The following SEMA5A variants were observed in gnomAD, a reference collection of about 807,000 sequenced individuals.
SEMA5A encodes semaphorin 5A, also known as semaphorin-5A.
A neutral mutation model predicts 135.5 loss-of-function variants in SEMA5A; 55 were observed. The ratio of observed to expected loss-of-function variants is 0.41; its 90% confidence interval spans 0.33 to 0.51. The LOEUF (loss-of-function observed/expected upper bound fraction) is 0.51, where lower values mean the gene tolerates loss of function less well. Among genes scored for constraint, SEMA5A ranks in the 20% least tolerant of loss-of-function variants. SEMA5A has a pLI of 0.37. For missense variants in SEMA5A, 1,290 were observed against 1,419.9 expected, an observed-to-expected ratio of 0.91 and a Z score of 1.47; for synonymous variants, 580 against 546.5, an observed-to-expected ratio of 1.06 and a Z score of -0.85.
chr5:9,379,845 C>T lies in SEMA5A; in HGVS notation c.102G>A (p.Glu34=), dbSNP rs1173595968. The T allele has an allele frequency of 2.5e-6, 4 of 1,613,804 alleles. No homozygotes were observed. The African/African-American group carries it at 5.3e-5, about 22-fold the overall frequency. ...TACCTTTATAGGAGATGACTGGATG[C>T]TCGGTTCTCTGGCACTGAGTCGTAC... ...AQGTTQCQRT[E]HPVISYKEIG... Residue 34 remains glutamate (E), a synonymous_variant, in exon 3 of 23, where the codon GAG becomes GAA. Coordinates refer to ENST00000382496, the MANE Select transcript of SEMA5A (RefSeq NM_003966.3).
chr5:9,064,156 T>A (rs1224202648), intron 17 of SEMA5A, among the ~76,000 whole-genome samples: 1 of 152,194 alleles, frequency 6.6e-6, no homozygotes, highest in Non-Finnish European at 1.5e-5. Context: ...TAGAATTGTC[T>A]GTCTGTGATA....
At chr5:9,303,347 A>G (rs1473524936) in intron 5 of SEMA5A, among the ~76,000 whole-genome samples, 1 of 151,982 alleles carries the variant, frequency 6.6e-6, no homozygotes, top group African/African-American at 2.4e-5. Context: ...CAATCTCCTA[A>G]CCTCGTGATC....
At chr5:9,225,755 T>C (rs115289885) in intron 7 of SEMA5A, among the ~76,000 whole-genome samples, 2,393 of 152,140 alleles carry the variant, frequency 0.016, 68 homozygotes, top group African/African-American at 0.055. Flanking sequence ...CTTGGAGTCA[T>C]TTCGTATGAA....
Position 9,066,638 on chromosome 5 carries a change from C to G in SEMA5A, c.2082G>C (p.Gln694His), listed in dbSNP as rs759125282. Reference sequence around the variant, plus strand: ...CAGGACACGGGTTGGTGTTGCAAGACTGGTACTCCTGGGGAGAATGCGCAG... The same window carrying G: ...CAGGACACGGGTTGGTGTTGCAAGAGTGGTACTCCTGGGGAGAATGCGCAG... Reference protein sequence around the residue: ...PDCAGCNVEYQSCNTNPCPEL... With the variant: ...PDCAGCNVEYHSCNTNPCPEL... Residue 694 changes from glutamine to histidine, a missense_variant, in exon 17 of 23, where the codon CAG becomes CAC. Around this residue, in one of 3 missense-constraint regions of SEMA5A, gnomAD observed 1,029 missense variants for 1,086.6 expected, o/e 0.95. Transcript: ENST00000382496. The G allele has an allele frequency of 6.2e-7, 1 of 1,613,980 alleles. No individual in the cohort carries two copies.
At chr5:9,340,693 CTG>C (rs1380378028) in intron 3 of SEMA5A, among the ~76,000 whole-genome samples, 3 of 152,142 alleles carry the variant, frequency 2.0e-5, no homozygotes, top group East Asian at 1.9e-4. Flanking sequence ...CCCAATAAAA[CTG>C]TGTATTTTTA....
intron 5 of SEMA5A, among the ~76,000 whole-genome samples, chr5:9,278,562 G>A (rs938026712): frequency 3.3e-5 from 5 of 152,212 alleles, no homozygotes; most frequent in Non-Finnish European, 7.3e-5. Flanking sequence ...TATCTCCAGA[G>A]CATTTCAGAG....
At chr5:9,412,694 T>C (rs1757147138) in intron 2 of SEMA5A, among the ~76,000 whole-genome samples, 1 of 151,276 alleles carries the variant, frequency 6.6e-6, no homozygotes, top group Non-Finnish European at 1.5e-5. Context: ...TATGTTTAAA[T>C]ACACCTTATA....
chr5:9,300,017 C>T (rs1751533379), intron 5 of SEMA5A, among the ~76,000 whole-genome samples: 2 of 151,978 alleles, frequency 1.3e-5, no homozygotes, highest in East Asian at 1.9e-4. Context: ...GAAATTCTGC[C>T]CTCTTGTTTC....
chr5:9,422,026 T>C (rs769504063), intron 2 of SEMA5A, among the ~76,000 whole-genome samples: 2 of 152,212 alleles, frequency 1.3e-5, no homozygotes, highest in African/African-American at 2.4e-5. Context: ...AGTCTATCCC[T>C]TAAGTTGCCA....
chr5:9,383,142 T>C (rs1428208432), intron 2 of SEMA5A, among the ~76,000 whole-genome samples: 1 of 152,188 alleles, frequency 6.6e-6, no homozygotes, highest in Non-Finnish European at 1.5e-5. Flanking sequence ...ACATTAAAAC[T>C]ATGAGTTTCA....
At chr5:9,527,585 T>C (rs1309480073) in intron 1 of SEMA5A, among the ~76,000 whole-genome samples, 2 of 152,188 alleles carry the variant, frequency 1.3e-5, no homozygotes, top group Non-Finnish European at 2.9e-5. Context: ...ACAAAGACAT[T>C]AAACCACACT....
chr5:9,189,679 G>C (rs1271564961), intron 11 of SEMA5A, among the ~76,000 whole-genome samples: 1 of 152,180 alleles, frequency 6.6e-6, no homozygotes. Flanking sequence ...AGCCGTCTGT[G>C]TAATGAACTG....
intron 16 of SEMA5A, among the ~76,000 whole-genome samples, chr5:9,071,311 T>C (rs1024788039): frequency 6.6e-6 from 1 of 152,172 alleles, no homozygotes; most frequent in South Asian, 2.1e-4. Context: ...TCCATCTTAA[T>C]TGCCTCTTCT....
intron 1 of SEMA5A, among the ~76,000 whole-genome samples, chr5:9,496,508 G>A (rs1735309033): frequency 2.6e-5 from 4 of 152,036 alleles, no homozygotes; most frequent in Admixed American, 2.6e-4. Flanking sequence ...GTCCACAGAG[G>A]CCACTGAACT....
chr5:9,240,212 T>A (rs1168353772), intron 5 of SEMA5A, among the ~76,000 whole-genome samples: 1 of 151,990 alleles, frequency 6.6e-6, no homozygotes, highest in Non-Finnish European at 1.5e-5. Context: ...AGAAAAAAAA[T>A]TAATTTCCTA....
chr5:9,191,264 A>G (rs1460576713), intron 10 of SEMA5A, among the ~76,000 whole-genome samples: 1 of 152,210 alleles, frequency 6.6e-6, no homozygotes, highest in African/African-American at 2.4e-5. Context: ...GGGGAAATTC[A>G]GCCCTGTACA....
intron 1 of SEMA5A, among the ~76,000 whole-genome samples, chr5:9,489,024 C>A (rs1052653030): frequency 6.6e-6 from 1 of 152,164 alleles, no homozygotes; most frequent in Non-Finnish European, 1.5e-5. Flanking sequence ...AATCACTTAA[C>A]ATTTTCATGA....
intron 8 of SEMA5A, among the ~76,000 whole-genome samples, chr5:9,211,077 T>A (rs934940376): frequency 1.3e-5 from 2 of 152,194 alleles, no homozygotes; most frequent in Non-Finnish European, 2.9e-5. Flanking sequence ...GCCTGAATAT[T>A]AGAAAAGGGC....
chr5:9,398,882 A>G (rs779069567), intron 2 of SEMA5A, among the ~76,000 whole-genome samples: 7 of 152,192 alleles, frequency 4.6e-5, no homozygotes, highest in Non-Finnish European at 8.8e-5. Flanking sequence ...TGAATCGGAA[A>G]CCACTGTGCA....
Sources: gnomAD v4.1 joint callset for allele counts (sites outside exome capture counted in the v4.1 genomes callset) on GRCh38, gnomAD v4.1.1 for gene constraint, gnomAD v4.1.1 regional missense constraint, MANE v1.5 for transcripts, NCBI Gene and HGNC (gene_info 2026-07-23, HGNC 2026-07-21) for gene names.